Variants in ARHGAP5 observed in about 807,000 individuals in gnomAD.
The protein encoded by ARHGAP5 is Rho GTPase activating protein 5, also known as rho GTPase-activating protein 5.
A neutral mutation model predicts 116.6 loss-of-function variants in ARHGAP5; 23 were observed. The ratio of observed to expected loss-of-function variants is 0.20; its 90% CI spans 0.14 to 0.28. The LOEUF (loss-of-function observed/expected upper bound fraction) is 0.28, where lower values mean the gene tolerates loss of function less well. Ranked by LOEUF, ARHGAP5 falls within the 10% of genes least tolerant of loss-of-function variation. ARHGAP5 has a pLI of 1.00. For missense variants in ARHGAP5, 1,405 were observed against 1,774.8 expected (o/e 0.79, Z 3.74); for synonymous variants, 574 against 602.0 (o/e 0.95, Z 0.68).
rs759522421 is a variant in ARHGAP5, at chr14:32,093,386, A to G, written c.2717A>G (p.His906Arg). ...AAAGAGTTAATGACTGAAGGAGAAC[A>G]CATTGCAACTGAGATCACTGCTAAA... ...AIKELMTEGE[H>R]IATEITAKFT... is the part of the protein sequence containing the mutation. The change falls in exon 2 of 7, where the codon CAC becomes CGC. Residue 906 changes from histidine to arginine, a missense_variant. By Grantham distance (29) the His-to-Arg change is conservative. This residue lies in a region of ARHGAP5 where 944 missense variants were observed against 1,095.3 expected (regional missense o/e 0.86). Transcript: ENST00000345122. The G allele has an allele frequency of 1.2e-6, 2 of 1,614,048 alleles. No homozygotes were observed. Among genetic ancestry groups the G allele is most frequent in the Admixed American group, 1.7e-5 (1 of 60,020 alleles).
chr14:32,093,358 A>C lies in ARHGAP5; in HGVS notation c.2689A>C (p.Ile897Leu), dbSNP rs1878361180. Residue 897 changes from isoleucine to leucine, a missense_variant, in exon 2 of 7, where the codon ATC becomes CTC. By Grantham distance (5) the Ile-to-Leu change is conservative. Coordinates refer to ENST00000345122, the MANE Select transcript of ARHGAP5 (RefSeq NM_001030055.2). ...SQADFFENEAIKELMTEGEHI... is the reference protein window; with the variant it reads ...SQADFFENEALKELMTEGEHI... The stretch of plus-strand genomic sequence containing the variant: ...AGCAGATTTTTTTGAAAATGAGGCT[A>C]TCAAAGAGTTAATGACTGAAGGAGA... The C allele has an allele frequency of 6.2e-7, 1 of 1,613,946 alleles. No individual in the cohort carries two copies. Among genetic ancestry groups the C allele is most frequent in the Non-Finnish European group, 8.5e-7 (1 of 1,179,950 alleles).
chr14:32,132,146 TG>T (rs1880535312), intron 3 of ARHGAP5, among the ~76,000 whole-genome samples: 1 of 152,214 alleles, frequency 6.6e-6, no homozygotes, highest in South Asian at 2.1e-4. Context: ...TCTAGATCCC[TG>T]AGGAATCGCC....
Position 32,150,425 on chromosome 14 carries a change from C to T in ARHGAP5, c.4075+392C>T, listed in dbSNP as rs191670624. On this transcript the variant is annotated intron_variant, in intron 5 of 6. Coordinates refer to ENST00000345122, the MANE Select transcript of ARHGAP5 (RefSeq NM_001030055.2). ...TGTTGCTGTAACAGAATACTACAGA[C>T]TGCATAATTTATAAAGTAATTTATT... Among the ~76,000 whole-genome samples, 8 of 152,270 alleles carry T rather than the reference C, an allele frequency of 5.3e-5. No individual in the cohort carries two copies. In the East Asian group the frequency reaches 1.5e-3, roughly 29 times the overall value.
At chr14:32,104,238 A>G (rs1410656956) in intron 2 of ARHGAP5, among the ~76,000 whole-genome samples, 1 of 152,194 alleles carries the variant, frequency 6.6e-6, no homozygotes, top group Non-Finnish European at 1.5e-5. Context: ...ACTTTCTCCA[A>G]GTGACTCCAG....
intron 1 of ARHGAP5, among the ~76,000 whole-genome samples, chr14:32,078,622 G>A (rs2041739388): frequency 6.6e-6 from 1 of 152,080 alleles, no homozygotes; most frequent in Non-Finnish European, 1.5e-5. Context: ...AGGGGCGGGG[G>A]GCGAGTTTGT....
chr14:32,154,504 C>T (rs1157918304), intron 6 of ARHGAP5, 117 bp from the exon 7 acceptor site: 3 of 950,836 alleles, frequency 3.2e-6, no homozygotes, highest in Non-Finnish European at 4.6e-6. Context: ...AATTTTTAAA[C>T]CCCAGGTTTG....
Position 32,141,267 on chromosome 14 carries a change from C to G in ARHGAP5, c.3866-4996C>G, listed in dbSNP as rs544534448. ...CTGTTTTTCTCTTTTATCCATTCTA[C>G]TAATCTCTGTCTTAATAGGAGATTT... On this transcript the variant is annotated intron_variant, in intron 3 of 6. Coordinates refer to ENST00000345122, the MANE Select transcript of ARHGAP5 (RefSeq NM_001030055.2). 5.3e-5 allele frequency among the ~76,000 whole-genome samples: 8 copies of G among 152,276 alleles called. No individual in the cohort carries two copies. In the East Asian group the frequency reaches 1.5e-3, roughly 29 times the overall value.
chr14:32,077,458 C>T (rs974782738), intron 1 of ARHGAP5, 23 bp downstream of exon 1: 25 of 694,084 alleles, frequency 3.6e-5, no homozygotes, highest in African/African-American at 3.2e-4. Context: ...GGACCCCGCT[C>T]CTCCAAGCCT....
intron 3 of ARHGAP5, 98 bp downstream of exon 3, chr14:32,117,385 C>A: frequency 8.8e-7 from 1 of 1,138,988 alleles, no homozygotes; most frequent in South Asian, 2.0e-5. Flanking sequence ...ATATAGTTCT[C>A]ATTATTAGGA....
At chr14:32,096,046 T>C (rs1236726742) in intron 2 of ARHGAP5, among the ~76,000 whole-genome samples, 1 of 152,188 alleles carries the variant, frequency 6.6e-6, no homozygotes, top group Non-Finnish European at 1.5e-5. Flanking sequence ...ATATATCCTT[T>C]ACCCATATTT....
Position 32,107,254 on chromosome 14 carries a change from A to G in ARHGAP5, c.3718-9886A>G, listed in dbSNP as rs182877621. On this transcript the variant is annotated intron_variant, in intron 2 of 6. Coordinates refer to ENST00000345122, the MANE Select transcript of ARHGAP5 (RefSeq NM_001030055.2). ...CAAGTGAATTCACATACAGTTGGCTATTCTTCCTGTAACTTGATGATGTGA... is the reference window on the plus strand; with the variant it reads ...CAAGTGAATTCACATACAGTTGGCTGTTCTTCCTGTAACTTGATGATGTGA... Among the ~76,000 whole-genome samples, 56 of 152,266 alleles carry G rather than the reference A, an allele frequency of 3.7e-4. 1 individual carries two copies. Among genetic ancestry groups the G allele is most frequent in the African/African-American group, 1.3e-3 (52 of 41,550 alleles).
chr14:32,141,315 C>T (rs984968267), intron 3 of ARHGAP5, among the ~76,000 whole-genome samples: 1 of 152,080 alleles, frequency 6.6e-6, no homozygotes, highest in Non-Finnish European at 1.5e-5. Flanking sequence ...TTAGTCATTA[C>T]CCTGCAGATT....
At chr14:32,099,853 C>G (rs1429499087) in intron 2 of ARHGAP5, among the ~76,000 whole-genome samples, 2 of 152,150 alleles carry the variant, frequency 1.3e-5, no homozygotes, top group African/African-American at 4.8e-5. Context: ...AAGGAAGATT[C>G]AGATATGTTT....
intron 6 of ARHGAP5, chr14:32,153,993 A>C (rs1594402382): frequency 1.3e-5 from 2 of 152,328 alleles, no homozygotes; most frequent in East Asian, 3.9e-4. Flanking sequence ...TCAAACACCT[A>C]TGGTAGTAAT....
At chr14:32,127,078 A>G (rs1594375825) in intron 3 of ARHGAP5, among the ~76,000 whole-genome samples, 1 of 144,572 alleles carries the variant, frequency 6.9e-6, no homozygotes, top group Admixed American at 7.0e-5. Context: ...GCTCACTGCG[A>G]CCTCCACCTC....
At chr14:32,129,717 C>T (rs1256360189) in intron 3 of ARHGAP5, among the ~76,000 whole-genome samples, 1 of 152,028 alleles carries the variant, frequency 6.6e-6, no homozygotes, top group Non-Finnish European at 1.5e-5. Context: ...GTTTCTCCTG[C>T]CCTACCTTGT....
At chr14:32,149,697 C>T (rs1037679134) in intron 4 of ARHGAP5, among the ~76,000 whole-genome samples, 15 of 151,552 alleles carry the variant, frequency 9.9e-5, no homozygotes, top group African/African-American at 2.7e-4. Flanking sequence ...GCTTTGAACC[C>T]GGGAGGTGGA....
At chr14:32,121,391 T>C (rs1380440326) in intron 3 of ARHGAP5, among the ~76,000 whole-genome samples, 17 of 152,218 alleles carry the variant, frequency 1.1e-4, no homozygotes, top group Admixed American at 1.1e-3. Flanking sequence ...TATACATCTT[T>C]ATAGATTACC....
intron 2 of ARHGAP5, among the ~76,000 whole-genome samples, chr14:32,106,027 C>T (rs1014554066): frequency 4.6e-5 from 7 of 152,274 alleles, no homozygotes; most frequent in South Asian, 2.1e-4. Flanking sequence ...GACATCAGGT[C>T]GTTCCAGTTT....
Sources: gnomAD v4.1 joint callset for allele counts (sites outside exome capture counted in the v4.1 genomes callset) on GRCh38, gnomAD v4.1.1 for gene constraint, gnomAD v4.1.1 regional missense constraint, MANE v1.5 for transcripts, NCBI Gene and HGNC (gene_info 2026-07-23, HGNC 2026-07-21) for gene names.